ZNF479: variants seen among roughly 807,000 people sequenced by gnomAD.
The protein encoded by ZNF479 is zinc finger protein 479, also known as KRAB zinc finger protein KR19.
A neutral mutation model predicts 14.7 loss-of-function variants in ZNF479; 15 were observed. The observed-to-expected ratio is 1.02, with a 90% confidence interval of 0.68 to 1.57. ZNF479 has a LOEUF of 1.57. Ranked by LOEUF, ZNF479 falls within the 40% of genes most tolerant of loss-of-function variation. The pLI, the probability that ZNF479 is intolerant of heterozygous loss-of-function variation, is 0.00. For missense variants in ZNF479, 506 were observed against 615.1 expected (o/e 0.82, Z 1.88); for synonymous variants, 145 against 211.5 (o/e 0.69, Z 2.73).
intron 1 of ZNF479, among the ~76,000 whole-genome samples, chr7:57,126,967 T>C (rs1786194496): frequency 6.6e-6 from 1 of 151,996 alleles, no homozygotes; most frequent in South Asian, 2.1e-4. Context: ...TGATACATTA[T>C]AAAATTAAGG....
intron 3 of ZNF479, among the ~76,000 whole-genome samples, chr7:57,125,663 C>CAAA (rs71053215): frequency 2.0e-5 from 3 of 149,756 alleles, no homozygotes; most frequent in South Asian, 2.1e-4. Context: ...AGACATGATG[C>CAAA]AAAAAAAAAT....
upstream of ZNF479, among the ~76,000 whole-genome samples, chr7:57,133,828 A>G (rs1786533962): frequency 6.6e-6 from 1 of 152,170 alleles, no homozygotes; most frequent in East Asian, 1.9e-4. Context: ...ATCACACCAC[A>G]GCACCCCAGC....
At chr7:57,130,074 A>G (rs1336451800) in intron 1 of ZNF479, among the ~76,000 whole-genome samples, 2 of 152,262 alleles carry the variant, frequency 1.3e-5, no homozygotes, top group African/African-American at 4.8e-5. Flanking sequence ...TACAATTAAA[A>G]GAATTTCAAA....
intron 1 of ZNF479, among the ~76,000 whole-genome samples, chr7:57,130,891 G>A (rs74208594): frequency 0.022 from 3,319 of 152,250 alleles, 113 homozygotes; most frequent in East Asian, 0.17. Flanking sequence ...AGAAAACGTC[G>A]TATGTAAACA....
chr7:57,122,185 C>A (rs1554400756), intron 3 of ZNF479, among the ~76,000 whole-genome samples: 1 of 152,014 alleles, frequency 6.6e-6, no homozygotes, highest in Non-Finnish European at 1.5e-5. Context: ...GCATAGTCCT[C>A]TGAGACAGCC....
At position 57,119,954 on chromosome 7, in the gene ZNF479, A is replaced by G. The variant is rs1225375251; in HGVS notation, c.1461T>C (p.His487=). Residue 487 remains histidine, a synonymous_variant, in exon 4 of 4, where the codon CAT becomes CAC. Transcript: ENST00000319636. ...CACATTTGTAGGGTTTCTCTCCAGT[A>G]TGAATTCTCTTATGTTGCATAAGGG... The part of the protein sequence containing the change: ...SSTLMQHKRI[H]TGEKPYKCEE... 1.2e-6 allele frequency: 2 copies of G among 1,613,920 alleles called. No homozygotes were observed. Among genetic ancestry groups the G allele is most frequent in the African/African-American group, 2.7e-5 (2 of 74,926 alleles).
Position 57,117,785 on chromosome 7 carries a change from T to C in ZNF479, c.*2055A>G, listed in dbSNP as rs1785750246. Among the ~76,000 whole-genome samples, 1 of 152,286 alleles carries C rather than the reference T, an allele frequency of 6.6e-6. No individual in the cohort carries two copies. Among genetic ancestry groups the C allele is most frequent in the African/African-American group, 2.4e-5 (1 of 41,478 alleles). On this transcript the variant is annotated 3_prime_UTR_variant, in exon 4 of 4. Coordinates refer to ENST00000319636, the MANE Select transcript of ZNF479 (RefSeq NM_001370129.2). ...ACTGATCAAATACTTTCACAAACAA[T>C]GGGAAGAGTCAACATGACGGAATCT...
chr7:57,133,864 A>G (rs1474482100), upstream of ZNF479, among the ~76,000 whole-genome samples: 3 of 152,200 alleles, frequency 2.0e-5, no homozygotes. Flanking sequence ...CTCTGTCTCA[A>G]AATAAAAAAG....
intron 1 of ZNF479, chr7:57,127,428 A>T: frequency 2.6e-6 from 1 of 378,660 alleles, no homozygotes; most frequent in Non-Finnish European, 3.6e-6. Flanking sequence ...CTCAAGTCTT[A>T]GTATGTGCAA....
intron 3 of ZNF479, among the ~76,000 whole-genome samples, chr7:57,122,052 TAAAC>T (rs1488420523): frequency 6.6e-6 from 1 of 151,908 alleles, no homozygotes; most frequent in African/African-American, 2.4e-5. Flanking sequence ...ATGAAGAAGC[TAAAC>T]AAACAAACTA....
chr7:57,138,386 T>TTACAGGCA, intron 1 of ZNF479, among the ~76,000 whole-genome samples: 1 of 152,178 alleles, frequency 6.6e-6, no homozygotes, highest in African/African-American at 2.4e-5. Context: ...AAATTGTGAA[T>TTACAGGCA]CTTATAGGCA....
chr7:57,124,836 A>T (rs1313330182), intron 3 of ZNF479, among the ~76,000 whole-genome samples: 7 of 152,172 alleles, frequency 4.6e-5, no homozygotes, highest in African/African-American at 1.7e-4. Flanking sequence ...GAACTTTGGG[A>T]GGCTGAGGTG....
At chr7:57,123,258 T>C (rs1228539379) in intron 3 of ZNF479, among the ~76,000 whole-genome samples, 2 of 152,154 alleles carry the variant, frequency 1.3e-5, no homozygotes, top group Non-Finnish European at 1.5e-5. Flanking sequence ...CAGGTTCCTT[T>C]AAGCAACCAG....
At chr7:57,133,154 T>A (rs2115899232), upstream of ZNF479, among the ~76,000 whole-genome samples, 1 of 152,058 alleles carries the variant, frequency 6.6e-6, no homozygotes, top group Middle Eastern at 3.4e-3. Context: ...AAATTGTAAT[T>A]CCCGTTTGTC....
At chr7:57,139,183 G>C (rs891120075) in intron 1 of ZNF479, among the ~76,000 whole-genome samples, 2 of 152,208 alleles carry the variant, frequency 1.3e-5, no homozygotes, top group Non-Finnish European at 2.9e-5. Flanking sequence ...CTGGCTAACA[G>C]TATGAATTGT....
At chr7:57,122,771 A>C (rs12540743) in intron 3 of ZNF479, among the ~76,000 whole-genome samples, 76,836 of 151,810 alleles carry the variant, frequency 0.51, 20,024 homozygotes, top group East Asian at 0.84. Flanking sequence ...CGATTACTAG[A>C]ATGAGACAAA....
chr7:57,124,035 C>T (rs1283692131), intron 3 of ZNF479, among the ~76,000 whole-genome samples: 4 of 152,134 alleles, frequency 2.6e-5, no homozygotes, highest in Non-Finnish European at 5.9e-5. Context: ...TAAGTGATGA[C>T]TTAATTTGTT....
upstream of ZNF479, among the ~76,000 whole-genome samples, chr7:57,136,341 G>A (rs566121553): frequency 6.6e-6 from 1 of 151,690 alleles, no homozygotes; most frequent in East Asian, 2.0e-4. Flanking sequence ...CTGAGTTCAC[G>A]CTACTGCACT....
rs575836574 is a variant in ZNF479, at chr7:57,119,774, T to C, written c.*66A>G. Reference sequence around the variant, plus strand: ...AAGGCTTGGCCACATTCTCTACATTTGTAGTGTTTTTTTCCAGTGTAAATT... The same window carrying C: ...AAGGCTTGGCCACATTCTCTACATTCGTAGTGTTTTTTTCCAGTGTAAATT... On this transcript the variant is annotated 3_prime_UTR_variant, in exon 4 of 4. Transcript: ENST00000319636. 521 of 1,307,726 alleles carry C rather than the reference T, an allele frequency of 4.0e-4. No homozygotes were observed. The highest frequency in any genetic ancestry group is 5.0e-4 in the Non-Finnish European group (468 of 943,354). 81.0% of individuals were successfully genotyped at this position (1,307,726 alleles called of 1,614,324 possible).
Sources: gnomAD v4.1 joint callset for allele counts (sites outside exome capture counted in the v4.1 genomes callset) on GRCh38, gnomAD v4.1.1 for gene constraint, MANE v1.5 for transcripts, NCBI Gene and HGNC (gene_info 2026-07-23, HGNC 2026-07-21) for gene names.